SZRD1: variants seen among roughly 807,000 people sequenced by gnomAD.
The protein encoded by SZRD1 is SUZ RNA binding domain containing 1.
Under a neutral mutation model 17.6 loss-of-function variants are expected in SZRD1, and 7 were observed. The observed-to-expected ratio is 0.40, with a 90% CI of 0.23 to 0.75. The LOEUF is 0.75. SZRD1 is among the 30% of genes least tolerant of loss of function. The pLI is 0.38. For missense variants in SZRD1, 178 were observed against 201.8 expected (o/e 0.88, Z 0.71); for synonymous variants, 77 against 77.9 (o/e 0.99, Z 0.06).
intron 1 of SZRD1, among the ~76,000 whole-genome samples, chr1:16,385,914 G>A (rs1369524506): frequency 6.6e-6 from 1 of 152,098 alleles, no homozygotes; most frequent in Non-Finnish European, 1.5e-5. Context: ...CAGCCCTGTC[G>A]AGAACCACCT....
chr1:16,386,290 C>CT (rs1000070632), intron 1 of SZRD1, among the ~76,000 whole-genome samples: 3 of 152,232 alleles, frequency 2.0e-5, no homozygotes, highest in African/African-American at 4.8e-5. Flanking sequence ...GGTCAGGCCT[C>CT]TAACACAGGA....
chr1:16,385,173 AG>A (rs2083167806), intron 1 of SZRD1, among the ~76,000 whole-genome samples: 1 of 152,160 alleles, frequency 6.6e-6, no homozygotes, highest in African/African-American at 2.4e-5. Context: ...TGGAGACCAG[AG>A]GATTCCGGTT....
intron 1 of SZRD1, among the ~76,000 whole-genome samples, chr1:16,371,423 TCC>T (rs1557620940): frequency 6.4e-5 from 8 of 124,732 alleles, no homozygotes; most frequent in Non-Finnish European, 1.3e-4. Context: ...ATCCCTCTGC[TCC>T]CCCCTCTCCC....
chr1:16,372,112 TTTTC>T (rs1463919368), intron 1 of SZRD1, among the ~76,000 whole-genome samples: 2 of 152,154 alleles, frequency 1.3e-5, no homozygotes, highest in African/African-American at 4.8e-5. Context: ...GCAAACACTT[TTTTC>T]TTTTTCTTTT....
At chr1:16,389,559 C>G (rs1401716885) in intron 1 of SZRD1, among the ~76,000 whole-genome samples, 1 of 152,006 alleles carries the variant, frequency 6.6e-6, no homozygotes, top group Admixed American at 6.6e-5. Flanking sequence ...GATCCGCCCA[C>G]CTCGGCCTCC....
At chr1:16,371,930 A>G (rs1468731155) in intron 1 of SZRD1, among the ~76,000 whole-genome samples, 6 of 152,146 alleles carry the variant, frequency 3.9e-5, no homozygotes, top group African/African-American at 1.4e-4. Context: ...GGGTCTTGCC[A>G]TATTGCCCAG....
chr1:16,375,317 T>G (rs943161284), intron 1 of SZRD1, among the ~76,000 whole-genome samples: 1 of 151,766 alleles, frequency 6.6e-6, no homozygotes. Flanking sequence ...GACAGATAAT[T>G]TTTTTTTCTT....
intron 1 of SZRD1, among the ~76,000 whole-genome samples, chr1:16,373,225 T>C (rs2082942206): frequency 9.8e-6 from 1 of 101,660 alleles, no homozygotes; most frequent in Non-Finnish European, 2.2e-5. Flanking sequence ...TGCAAGGAGC[T>C]TTGAAGTTTT....
At chr1:16,383,693 C>T in intron 1 of SZRD1, among the ~76,000 whole-genome samples, 1 of 146,696 alleles carries the variant, frequency 6.8e-6, no homozygotes, top group Non-Finnish European at 1.5e-5. Context: ...AATCTCAGCT[C>T]ACTGCAACCT....
intron 1 of SZRD1, among the ~76,000 whole-genome samples, chr1:16,389,656 A>AG (rs1253377162): frequency 6.6e-6 from 1 of 151,944 alleles, no homozygotes; most frequent in African/African-American, 2.4e-5. Flanking sequence ...CGCGTTAGCC[A>AG]GGATGGTCTC....
In SZRD1 at chr1:16,377,562, C is replaced by CAA. The variant is rs34066824; in HGVS notation, c.51+10272_51+10273dup. 1.1e-3 allele frequency among the ~76,000 whole-genome samples: 68 copies of CAA among 62,004 alleles called. 2 individuals carry two copies. Among genetic ancestry groups the CAA allele is most frequent in the African/African-American group, 3.6e-3 (56 of 15,686 alleles). 40.7% of individuals were successfully genotyped at this position (62,004 alleles called of 152,430 possible). ...ATCATGACAGAGACAGACTCTGTCT[C>CAA]AAAAAAAAAAAAAAAAAAAGCAAGA... is the stretch of plus-strand genomic sequence containing the variant. On this transcript the variant is annotated intron_variant, in intron 1 of 3. Transcript: ENST00000401088.
At chr1:16,386,905 G>T in intron 1 of SZRD1, 1 of 175,814 alleles carries the variant, frequency 5.7e-6, no homozygotes, top group Non-Finnish European at 1.2e-5. Flanking sequence ...GGGGATTTGA[G>T]CAATTGTCGG....
In SZRD1 at chr1:16,393,276, T is replaced by G; in HGVS notation, c.150T>G (p.Asp50Glu). 6.2e-7 allele frequency: 1 copy of G among 1,614,130 alleles called. No homozygotes were observed. The highest frequency in any genetic ancestry group is 1.1e-5 in the South Asian group (1 of 91,084). ...PPKVPIVIQD[D>E]SLPAGPPPQI... Reference sequence around the variant, plus strand: ...AAGTGCCCATTGTGATTCAGGACGATAGCCTTCCCGCGGGGCCCCCTCCAC... The same window carrying G: ...AAGTGCCCATTGTGATTCAGGACGAGAGCCTTCCCGCGGGGCCCCCTCCAC... Residue 50 changes from aspartate (D) to glutamate (E), a missense_variant, in exon 3 of 4, where the codon GAT becomes GAG. Asp to Glu is a conservative substitution (Grantham distance 45). Transcript: ENST00000401088. The surrounding 1 kb of genome is among the most constrained non-coding windows in gnomAD (Gnocchi z 5.6).
chr1:16,372,473 A>T (rs1248561836), intron 1 of SZRD1, among the ~76,000 whole-genome samples: 1 of 151,392 alleles, frequency 6.6e-6, no homozygotes, highest in Non-Finnish European at 1.5e-5. Flanking sequence ...ACTCTGTCTC[A>T]AAAAAAAAGA....
intron 1 of SZRD1, among the ~76,000 whole-genome samples, chr1:16,368,353 G>C (rs2082858216): frequency 6.6e-6 from 1 of 152,214 alleles, no homozygotes; most frequent in South Asian, 2.1e-4. Flanking sequence ...GCGCTTTTTG[G>C]GGGTGCTTAT....
rs576125873 is a variant in SZRD1, at chr1:16,389,688, G to A, written c.52-1687G>A. Among the ~76,000 whole-genome samples, 24 of 152,234 alleles carry A rather than the reference G, an allele frequency of 1.6e-4. No homozygotes were observed. In the South Asian group the frequency reaches 3.7e-3, roughly 24 times the overall value. On this transcript the variant is annotated intron_variant, in intron 1 of 3. Coordinates refer to ENST00000401088, the MANE Select transcript of SZRD1 (RefSeq NM_001114600.3). ...TCTCAATCTCCTGCCCTCGTGATCC[G>A]CCCGCCTCGGCCTCCCAAAGTGCTG...
intron 1 of SZRD1, among the ~76,000 whole-genome samples, chr1:16,371,807 G>A (rs1471394167): frequency 6.6e-6 from 1 of 152,018 alleles, no homozygotes; most frequent in Non-Finnish European, 1.5e-5. Flanking sequence ...AGGTTGGAGT[G>A]CAGTGGTCGG....
intron 1 of SZRD1, among the ~76,000 whole-genome samples, chr1:16,380,817 G>T (rs987307122): frequency 1.3e-5 from 2 of 152,066 alleles, no homozygotes; most frequent in Non-Finnish European, 2.9e-5. Context: ...ATTTTGGCCA[G>T]GCTGGTCTCG....
At chr1:16,372,816 A>G (rs923805496) in intron 1 of SZRD1, among the ~76,000 whole-genome samples, 2 of 152,220 alleles carry the variant, frequency 1.3e-5, no homozygotes, top group Non-Finnish European at 2.9e-5. Flanking sequence ...TAAACATTAA[A>G]TAACTATTGC....
Sources: allele counts gnomAD v4.1 joint callset (sites outside exome capture counted in the v4.1 genomes callset), GRCh38; gene constraint gnomAD v4.1.1; non-coding constraint Gnocchi (gnomAD v3.1); transcripts MANE v1.5; gene names NCBI Gene and HGNC (gene_info 2026-07-23, HGNC 2026-07-21).